Variants in ERC2 observed in about 807,000 individuals in gnomAD.
ERC2 encodes ELKS/RAB6-interacting/CAST family member 2.
Under a neutral mutation model 114.8 loss-of-function variants are expected in ERC2, and 42 were observed. The observed-to-expected ratio is 0.37, with a 90% CI of 0.29 to 0.47. The LOEUF is 0.47. Ranked by LOEUF, ERC2 falls within the 20% of genes least tolerant of loss-of-function variation. The probability of loss-of-function intolerance (pLI) is 0.99; values close to 1 mark genes in which losing one functional copy is unlikely to be tolerated. For synonymous variants in ERC2, 454 were observed against 425.5 expected (o/e 1.07, Z -0.82); for missense variants, 939 against 1,150.7 (o/e 0.82, Z 2.66).
At chr3:55,845,835 C>A (rs1176759763) in intron 14 of ERC2, among the ~76,000 whole-genome samples, 4 of 152,152 alleles carry the variant, frequency 2.6e-5, no homozygotes, top group Non-Finnish European at 5.9e-5. Context: ...GCCATGTACA[C>A]CAAAGGTTGT....
chr3:55,931,869 T>C (rs1312506765), intron 13 of ERC2, among the ~76,000 whole-genome samples: 1 of 152,236 alleles, frequency 6.6e-6, no homozygotes. Context: ...GGTGTTCATC[T>C]TATAAAAATC....
chr3:55,590,923 G>C (rs1315107436), intron 17 of ERC2, among the ~76,000 whole-genome samples: 2 of 152,076 alleles, frequency 1.3e-5, no homozygotes, highest in South Asian at 4.2e-4. Context: ...CTGCCTCCCG[G>C]GTTCAAGCGA....
Position 56,297,236 on chromosome 3 carries a change from G to GA in ERC2, c.658-802dup, listed in dbSNP as rs905567914. Among the ~76,000 whole-genome samples the GA allele has an allele frequency of 6.8e-5, 10 of 147,102 alleles. 1 individual carries two copies. The highest frequency in any genetic ancestry group is 2.0e-4 in the East Asian group (1 of 5,020). Reference sequence around the variant, plus strand: ...CTTCACAGAAGAAGAAAAAAAAAAAGAAAAAAAAATTCTAATTACAGCAAA... The same window carrying GA: ...CTTCACAGAAGAAGAAAAAAAAAAAGAAAAAAAAAATTCTAATTACAGCAAA... On this transcript the variant is annotated intron_variant, in intron 2 of 17. Coordinates refer to ENST00000288221, the MANE Select transcript of ERC2 (RefSeq NM_015576.3).
At chr3:56,029,868 G>A (rs2074272039) in intron 7 of ERC2, among the ~76,000 whole-genome samples, 1 of 151,780 alleles carries the variant, frequency 6.6e-6, no homozygotes. Flanking sequence ...CTTAGTTTCG[G>A]TTTATTTTGT....
chr3:55,526,885 C>A (rs2053355535), intron 17 of ERC2, among the ~76,000 whole-genome samples: 1 of 152,226 alleles, frequency 6.6e-6, no homozygotes, highest in Non-Finnish European at 1.5e-5. Context: ...CTGTTCCCAG[C>A]TGGAAGCAGC....
intron 6 of ERC2, among the ~76,000 whole-genome samples, chr3:56,085,964 T>C (rs1576870564): frequency 6.6e-6 from 1 of 152,084 alleles, no homozygotes; most frequent in South Asian, 2.1e-4. Context: ...ATAAATAAAT[T>C]ACAATATGGG....
intron 15 of ERC2, among the ~76,000 whole-genome samples, chr3:55,723,168 G>A (rs2064688060): frequency 6.6e-6 from 1 of 152,050 alleles, no homozygotes; most frequent in Non-Finnish European, 1.5e-5. Context: ...ATGGGAAAAT[G>A]CACAAAATAT....
intron 3 of ERC2, among the ~76,000 whole-genome samples, chr3:56,285,825 A>G (rs61092323): frequency 0.062 from 9,452 of 152,278 alleles, 714 homozygotes; most frequent in African/African-American, 0.18. Flanking sequence ...CTAATTGTGT[A>G]GGGCTAAAAA....
intron 3 of ERC2, among the ~76,000 whole-genome samples, chr3:56,176,056 G>A (rs909019904): frequency 6.6e-6 from 1 of 152,194 alleles, no homozygotes; most frequent in Admixed American, 6.5e-5. Flanking sequence ...GATTGCTGGA[G>A]TTCACTGTAC....
chr3:55,807,217 G>T (rs774851810), intron 14 of ERC2, among the ~76,000 whole-genome samples: 5 of 152,198 alleles, frequency 3.3e-5, no homozygotes, highest in Admixed American at 2.0e-4. Flanking sequence ...TAGAGTAAAA[G>T]TTTCTCTTCT....
At chr3:55,974,885 C>T (rs759725160) in intron 12 of ERC2, among the ~76,000 whole-genome samples, 8 of 152,166 alleles carry the variant, frequency 5.3e-5, no homozygotes, top group African/African-American at 7.2e-5. Context: ...TTTTCATCAA[C>T]GCCTGGAATC....
At chr3:55,511,917 C>G (rs1355939990) in intron 17 of ERC2, among the ~76,000 whole-genome samples, 2 of 152,210 alleles carry the variant, frequency 1.3e-5, no homozygotes, top group Non-Finnish European at 2.9e-5. Context: ...GGATCCCTCC[C>G]ACACTACTGC....
chr3:55,893,190 C>T (rs193201315), intron 13 of ERC2, among the ~76,000 whole-genome samples: 1 of 152,240 alleles, frequency 6.6e-6, no homozygotes, highest in East Asian at 1.9e-4. Flanking sequence ...ATGTATAAGC[C>T]ACCTACTGTA....
intron 17 of ERC2, among the ~76,000 whole-genome samples, chr3:55,630,602 A>T (rs1331526534): frequency 6.6e-6 from 1 of 152,208 alleles, no homozygotes; most frequent in Non-Finnish European, 1.5e-5. Context: ...TTGGGCAAGA[A>T]ACCAGGTCCT....
chr3:55,786,493 T>G (rs528157731), intron 14 of ERC2, among the ~76,000 whole-genome samples: 25 of 152,328 alleles, frequency 1.6e-4, no homozygotes, highest in African/African-American at 5.8e-4. Context: ...CCACTGCTAA[T>G]TATATATAAT....
chr3:55,929,636 C>T (rs1321206692), intron 13 of ERC2, among the ~76,000 whole-genome samples: 1 of 152,090 alleles, frequency 6.6e-6, no homozygotes, highest in Non-Finnish European at 1.5e-5. Flanking sequence ...TATTTGTGTC[C>T]CCACCCAAAT....
intron 17 of ERC2, among the ~76,000 whole-genome samples, chr3:55,559,250 G>T (rs2055838337): frequency 6.6e-6 from 1 of 152,196 alleles, no homozygotes; most frequent in East Asian, 1.9e-4. Flanking sequence ...TTCCAAGAAA[G>T]CAATGGTTCT....
intron 2 of ERC2, among the ~76,000 whole-genome samples, chr3:56,400,463 A>G (rs1560754183): frequency 6.6e-6 from 1 of 152,230 alleles, no homozygotes; most frequent in Non-Finnish European, 1.5e-5. Context: ...TAGTAATACT[A>G]TATCAGAAGA....
intron 10 of ERC2, among the ~76,000 whole-genome samples, chr3:55,993,615 G>A (rs2071251385): frequency 6.6e-6 from 1 of 150,898 alleles, no homozygotes; most frequent in Admixed American, 6.6e-5. Flanking sequence ...AGGATAAAGG[G>A]GAAAAAGTTG....
Sources: gnomAD v4.1 joint callset for allele counts (sites outside exome capture counted in the v4.1 genomes callset) on GRCh38, gnomAD v4.1.1 for gene constraint, MANE v1.5 for transcripts, NCBI Gene and HGNC (gene_info 2026-07-23, HGNC 2026-07-21) for gene names.